SLC9A9: variants seen among roughly 807,000 people sequenced by gnomAD.
The protein encoded by SLC9A9 is sodium/hydrogen exchanger 9.
Under a neutral mutation model 77.8 loss-of-function variants are expected in SLC9A9, and 62 were observed. That is an observed-to-expected ratio of 0.80 (90% CI 0.65 to 0.98). The LOEUF (loss-of-function observed/expected upper bound fraction) is 0.98, where lower values mean the gene tolerates loss of function less well. SLC9A9 is among the 50% of genes least tolerant of loss of function. The pLI, the probability that SLC9A9 is intolerant of heterozygous loss-of-function variation, is 0.00. For synonymous variants in SLC9A9, 320 were observed against 283.5 expected (o/e 1.13, Z -1.29); for missense variants, 775 against 774.9 (o/e 1.00, Z 0.00).
chr3:143,744,994 G>A (rs1204413053), intron 4 of SLC9A9, among the ~76,000 whole-genome samples: 13 of 152,248 alleles, frequency 8.5e-5, no homozygotes, highest in South Asian at 4.1e-4. Flanking sequence ...GCCAATTAAC[G>A]CGCATTTGTT....
chr3:143,641,488 G>T (rs768516119), intron 6 of SLC9A9, among the ~76,000 whole-genome samples: 55 of 144,162 alleles, frequency 3.8e-4, no homozygotes, highest in Middle Eastern at 3.9e-3. Context: ...CTGCCTCCCG[G>T]GTTCATGCCA....
Position 143,419,300 on chromosome 3 carries a change from G to A in SLC9A9, c.1470-37186C>T, listed in dbSNP as rs562314615. Among the ~76,000 whole-genome samples, 3 of 152,150 alleles carry A rather than the reference G, an allele frequency of 2.0e-5. No homozygotes were observed. The South Asian group carries it at 6.2e-4, about 32-fold the overall frequency. On this transcript the variant is annotated intron_variant, in intron 12 of 15. Transcript: ENST00000316549. ...TTTCTCACAACAATCCCATTTTGCA[G>A]GGGGGGCACAGAGAGCTTAAGTAAC... is the stretch of plus-strand genomic sequence containing the variant.
intron 14 of SLC9A9, among the ~76,000 whole-genome samples, chr3:143,300,681 A>G (rs746688488): frequency 6.6e-6 from 1 of 152,182 alleles, no homozygotes; most frequent in Non-Finnish European, 1.5e-5. Flanking sequence ...TGTACATCAG[A>G]ATCTTTGGAG....
rs769793490 is a variant in SLC9A9, at chr3:143,832,042, G to T, written c.355C>A (p.Gln119Lys). The T allele has an allele frequency of 5.0e-6, 8 of 1,612,406 alleles. No homozygotes were observed. In the South Asian group the frequency reaches 8.8e-5, roughly 18 times the overall value. ...ACCTTTTCAAGTATAGCATTTCCTT[G>T]ATGAGGATTGATGTTGTGCTGACTT... ...EISQHNINPH[Q>K]GNAILEKMTF... is the part of the protein sequence containing the mutation. Residue 119 changes from glutamine (Q) to lysine (K), a missense_variant, in exon 2 of 16, where the codon CAA becomes AAA. Coordinates refer to ENST00000316549, the MANE Select transcript of SLC9A9 (RefSeq NM_173653.4).
chr3:143,426,492 T>C (rs2034410669), intron 12 of SLC9A9, among the ~76,000 whole-genome samples: 1 of 152,226 alleles, frequency 6.6e-6, no homozygotes, highest in Admixed American at 6.5e-5. Flanking sequence ...TGATTCTCCA[T>C]TTCTGGAAAA....
chr3:143,793,751 T>C (rs1047340855), intron 4 of SLC9A9, among the ~76,000 whole-genome samples: 4 of 152,236 alleles, frequency 2.6e-5, no homozygotes, highest in Admixed American at 2.0e-4. Flanking sequence ...CATCTTCGAA[T>C]GAGAGGCTGT....
chr3:143,690,410 C>G (rs929800888), intron 5 of SLC9A9, among the ~76,000 whole-genome samples: 9 of 151,958 alleles, frequency 5.9e-5, no homozygotes, highest in African/African-American at 1.9e-4. Flanking sequence ...CCCTTAGTGC[C>G]CAGATTATGG....
In SLC9A9 at chr3:143,320,057, C is replaced by T. The variant is rs150400939; in HGVS notation, c.1604+43427G>A. 6.8e-3 allele frequency among the ~76,000 whole-genome samples: 1,029 copies of T among 152,298 alleles called. 5 individuals carry two copies. Among genetic ancestry groups the T allele is most frequent in the African/African-American group, 0.024 (984 of 41,550 alleles). On this transcript the variant is annotated intron_variant, in intron 14 of 15. Transcript: ENST00000316549. ...ATTGGAGATAGATCCCACTTAGTTC[C>T]CTGCCACCTGGATGGTATCTTTGGA...
intron 12 of SLC9A9, among the ~76,000 whole-genome samples, chr3:143,393,766 G>A (rs1422521482): frequency 6.6e-6 from 1 of 151,474 alleles, no homozygotes; most frequent in Non-Finnish European, 1.5e-5. Context: ...TGATAAAGAG[G>A]ATATCACCAC....
chr3:143,695,904 GTGA>G (rs1933625654), intron 4 of SLC9A9, among the ~76,000 whole-genome samples: 1 of 152,170 alleles, frequency 6.6e-6, no homozygotes, highest in Admixed American at 6.5e-5. Context: ...CTAATGACCA[GTGA>G]TGATGAGCTT....
chr3:143,327,990 ATATGGACATTTTTTTCTG>A (rs1487571301), intron 14 of SLC9A9, among the ~76,000 whole-genome samples: 2 of 152,180 alleles, frequency 1.3e-5, no homozygotes, highest in African/African-American at 2.4e-5. Flanking sequence ...GCATTTTTCT[ATATGGACATTTTTTTCTG>A]TATGCACAAG....
chr3:143,824,809 C>T (rs1302579223), intron 2 of SLC9A9, among the ~76,000 whole-genome samples: 1 of 152,108 alleles, frequency 6.6e-6, no homozygotes, highest in Non-Finnish European at 1.5e-5. Context: ...TCTCACAGGC[C>T]AACTTTTTGC....
chr3:143,622,788 G>C (rs1423882940), intron 6 of SLC9A9, among the ~76,000 whole-genome samples: 1 of 152,094 alleles, frequency 6.6e-6, no homozygotes, highest in Non-Finnish European at 1.5e-5. Flanking sequence ...ATGTAAATGG[G>C]CTAAATGCTC....
At chr3:143,656,722 C>G (rs1487472106) in intron 5 of SLC9A9, among the ~76,000 whole-genome samples, 1 of 152,202 alleles carries the variant, frequency 6.6e-6, no homozygotes, top group Non-Finnish European at 1.5e-5. Context: ...TGTCAAAATG[C>G]TGGCTCTCCC....
At chr3:143,648,467 G>A (rs115212454) in intron 6 of SLC9A9, among the ~76,000 whole-genome samples, 2,521 of 152,296 alleles carry the variant, frequency 0.017, 52 homozygotes, top group African/African-American at 0.056. Flanking sequence ...CAGAGGCGGA[G>A]CTCAGGCAGT....
At chr3:143,340,416 A>G (rs2032059868) in intron 14 of SLC9A9, among the ~76,000 whole-genome samples, 1 of 152,262 alleles carries the variant, frequency 6.6e-6, no homozygotes. Flanking sequence ...GACATTTATT[A>G]GAACACCTGC....
At position 143,616,066 on chromosome 3, in the gene SLC9A9, G is replaced by T. The variant is rs576391117; in HGVS notation, c.755+36189C>A. On this transcript the variant is annotated intron_variant, in intron 6 of 15. Coordinates refer to ENST00000316549, the MANE Select transcript of SLC9A9 (RefSeq NM_173653.4). ...CAGCTAATTTTTTTTGGTATTTTTC[G>T]TAGAGACAGGGTTTCACTATCTTAG... is the stretch of plus-strand genomic sequence containing the variant. Among the ~76,000 whole-genome samples the T allele has an allele frequency of 3.3e-5, 5 of 151,760 alleles. No individual in the cohort carries two copies. The South Asian group carries it at 6.3e-4, about 19-fold the overall frequency.
intron 12 of SLC9A9, among the ~76,000 whole-genome samples, chr3:143,424,182 T>C (rs1275109020): frequency 6.6e-6 from 1 of 152,116 alleles, no homozygotes; most frequent in Non-Finnish European, 1.5e-5. Context: ...TTGTCATAAT[T>C]AGATGTTAGT....
intron 9 of SLC9A9, among the ~76,000 whole-genome samples, chr3:143,518,716 A>G (rs1378265155): frequency 6.6e-6 from 1 of 152,202 alleles, no homozygotes; most frequent in East Asian, 1.9e-4. Context: ...TATAGTTATG[A>G]TTAACTCATT....
Sources: allele counts gnomAD v4.1 joint callset (sites outside exome capture counted in the v4.1 genomes callset), GRCh38; gene constraint gnomAD v4.1.1; transcripts MANE v1.5; gene names NCBI Gene and HGNC (gene_info 2026-07-23, HGNC 2026-07-21).